ABCA13: variants seen among roughly 807,000 people sequenced by gnomAD.
ABCA13 encodes ATP binding cassette subfamily A member 13.
In ABCA13, 476 loss-of-function variants were observed where a neutral mutation model predicts 478.7. The ratio of observed to expected loss-of-function variants is 0.99; its 90% CI spans 0.92 to 1.07. The LOEUF (loss-of-function observed/expected upper bound fraction) is 1.07, where lower values mean the gene tolerates loss of function less well. Ranked by LOEUF, ABCA13 falls within the 50% of genes least tolerant of loss-of-function variation. The pLI, the probability that ABCA13 is intolerant of heterozygous loss-of-function variation, is 0.00. For synonymous variants in ABCA13, 2,252 were observed against 2,158.9 expected, an observed-to-expected ratio of 1.04 and a Z score of -1.20; for missense variants, 6,060 against 5,910.6, an observed-to-expected ratio of 1.03 and a Z score of -0.83.
In ABCA13 at chr7:48,272,785, T is replaced by C. The variant is rs755570978; in HGVS notation, c.3119T>C (p.Leu1040Ser). The change falls in exon 17 of 62, where the codon TTG becomes TCG. Residue 1040 changes from leucine (L) to serine (S), a missense_variant. This residue lies in a region of ABCA13 where 4,423 missense variants were observed against 4,309.1 expected (regional missense o/e 1.03). Transcript: ENST00000435803. ...CAATTGCTTTCAATTTTTAACTTTT[T>C]GGAGCTTCAGGCCCAATCCTTCATG... ...CQQLLSIFNF[L>S]ELQAQSFMST... 2.5e-6 allele frequency: 4 copies of C among 1,605,268 alleles called. No individual in the cohort carries two copies. The East Asian group carries it at 9.0e-5, about 36-fold the overall frequency.
In ABCA13 at chr7:48,503,976, A is replaced by G. The variant is rs527941316; in HGVS notation, c.13292-2360A>G. Among the ~76,000 whole-genome samples, 10 of 152,334 alleles carry G rather than the reference A, an allele frequency of 6.6e-5. No individual in the cohort carries two copies. In the East Asian group the frequency reaches 1.2e-3, roughly 18 times the overall value. ...TACATATATCAAAACATTACATAGTACACCTTAAATGTTTGCAATTATTAT... is the reference window on the plus strand; with the variant it reads ...TACATATATCAAAACATTACATAGTGCACCTTAAATGTTTGCAATTATTAT... On this transcript the variant is annotated intron_variant, in intron 48 of 61. Coordinates refer to ENST00000435803, the MANE Select transcript of ABCA13 (RefSeq NM_152701.5).
At chr7:48,375,909 A>C (rs1169407597) in intron 34 of ABCA13, among the ~76,000 whole-genome samples, 1 of 152,176 alleles carries the variant, frequency 6.6e-6, no homozygotes, top group Non-Finnish European at 1.5e-5. Context: ...ATTTTATTGA[A>C]CTGTAGCCTG....
intron 33 of ABCA13, among the ~76,000 whole-genome samples, chr7:48,373,351 C>G (rs1049657080): frequency 1.3e-5 from 2 of 152,186 alleles, no homozygotes; most frequent in South Asian, 4.1e-4. Flanking sequence ...TTATTGGGAG[C>G]AAAACACCTT....
chr7:48,195,813 C>T (rs1205630823), intron 2 of ABCA13, among the ~76,000 whole-genome samples: 3 of 152,094 alleles, frequency 2.0e-5, no homozygotes, highest in Admixed American at 6.5e-5. Context: ...TGGAGTCTGC[C>T]TGGGAAGCAC....
At chr7:48,336,762 C>T (rs1806330836) in intron 28 of ABCA13, among the ~76,000 whole-genome samples, 1 of 152,188 alleles carries the variant, frequency 6.6e-6, no homozygotes, top group Admixed American at 6.5e-5. Context: ...CGACCATGGC[C>T]ATATGTATTA....
Position 48,646,526 on chromosome 7 carries a change from T to TTA in ABCA13, c.*1015_*1016insAT, listed in dbSNP as rs1554292441. On this transcript the variant is annotated 3_prime_UTR_variant, in exon 62 of 62. Coordinates refer to ENST00000435803, the MANE Select transcript of ABCA13 (RefSeq NM_152701.5). The stretch of plus-strand genomic sequence containing the variant: ...GTATGTAGTCTTTTTTATTTATTTA[T>TTA]TTTTTTTTTTTGAGGCGGAGTCTCG... 9.2e-6 allele frequency: 1 copy of TTA among 108,482 alleles called. No individual in the cohort carries two copies. Among genetic ancestry groups the TTA allele is most frequent in the Non-Finnish European group, 1.9e-5 (1 of 51,738 alleles). The allele number at this position is 108,482 out of a possible 1,614,324, so 6.7% of individuals were successfully genotyped here.
At chr7:48,302,883 C>T (rs994472026) in intron 23 of ABCA13, among the ~76,000 whole-genome samples, 1 of 152,106 alleles carries the variant, frequency 6.6e-6, no homozygotes, top group Non-Finnish European at 1.5e-5. Flanking sequence ...AATGGTAGTT[C>T]TCTTTCTAGT....
chr7:48,356,644 T>C (rs1209585972), intron 31 of ABCA13, among the ~76,000 whole-genome samples: 4 of 151,914 alleles, frequency 2.6e-5, no homozygotes, highest in Non-Finnish European at 5.9e-5. Flanking sequence ...TTATTTTTCA[T>C]GTAGTATCTA....
At position 48,645,573 on chromosome 7, in the gene ABCA13, G is replaced by A; in HGVS notation, c.*61G>A. 7.3e-7 allele frequency: 1 copy of A among 1,374,836 alleles called. No homozygotes were observed. Among genetic ancestry groups the A allele is most frequent in the South Asian group, 1.3e-5 (1 of 77,436 alleles). 85.2% of individuals were successfully genotyped at this position (1,374,836 alleles called of 1,614,324 possible). A position where few individuals can be genotyped will look rare whatever the true frequency, so the allele number is the denominator to read the frequency against. Reference sequence around the variant, plus strand: ...TCTTCCATTACAATTAACAGTCAAGGATAAAACAAGCACGCGCACAATCAA... The same window carrying A: ...TCTTCCATTACAATTAACAGTCAAGAATAAAACAAGCACGCGCACAATCAA... On this transcript the variant is annotated 3_prime_UTR_variant, in exon 62 of 62. Coordinates refer to ENST00000435803, the MANE Select transcript of ABCA13 (RefSeq NM_152701.5).
rs758526203 is a variant in ABCA13 at position 48,507,930 on chromosome 7, C to T, written c.13405C>T (p.Leu4469=). 3.5e-5 allele frequency: 56 copies of T among 1,613,324 alleles called. No individual in the cohort carries two copies. In the Middle Eastern group the frequency reaches 1.5e-3, roughly 43 times the overall value. ...CTGCATCGTGCTGGGATTCTCCATC[C>T]TGTCTGCATCCATCGGCAGCTCTGT... is the stretch of plus-strand genomic sequence containing the variant. ...ALCIVLGFSI[L]SASIGSSVVR... is the part of the protein sequence containing the mutation. Residue 4469 remains leucine, a synonymous_variant, in exon 50 of 62, where the codon CTG becomes TTG. Transcript: ENST00000435803.
intron 20 of ABCA13, among the ~76,000 whole-genome samples, chr7:48,293,837 G>T (rs1415546714): frequency 1.3e-5 from 2 of 152,064 alleles, no homozygotes; most frequent in African/African-American, 4.8e-5. Context: ...CTTAGAGGTG[G>T]GGGTTAGAGA....
chr7:48,318,798 C>G (rs1270346064), intron 27 of ABCA13, among the ~76,000 whole-genome samples: 3 of 151,862 alleles, frequency 2.0e-5, no homozygotes, highest in African/African-American at 7.3e-5. Flanking sequence ...CATATCACAG[C>G]TCTATTTTAA....
At chr7:48,574,699 C>A (rs935743916) in intron 55 of ABCA13, among the ~76,000 whole-genome samples, 2 of 152,122 alleles carry the variant, frequency 1.3e-5, no homozygotes, top group Non-Finnish European at 2.9e-5. Context: ...AGCTCCTCTG[C>A]CTTTTAGCCA....
At position 48,278,066 on chromosome 7, in the gene ABCA13, A is replaced by T. The variant is rs1584584963; in HGVS notation, c.6900-28A>T. The stretch of plus-strand genomic sequence containing the variant: ...CTGTTAATGTATTAAAAATTAAATT[A>T]AAAGTATATATATATATATATTTAC... On this transcript the variant is annotated intron_variant, in intron 17 of 61. Coordinates refer to ENST00000435803, the MANE Select transcript of ABCA13 (RefSeq NM_152701.5). 1.2e-5 allele frequency: 10 copies of T among 806,378 alleles called. No homozygotes were observed. The East Asian group carries it at 3.9e-4, about 32-fold the overall frequency. 50.0% of individuals were successfully genotyped at this position (806,378 alleles called of 1,614,324 possible).
chr7:48,281,229 C>T (rs111864166), intron 18 of ABCA13, 114 bp from the exon 19 acceptor site: 8,107 of 792,640 alleles, frequency 0.01, 84 homozygotes, highest in Middle Eastern at 0.055. Context: ...TATGATTATG[C>T]AGGGAGGGAG....
intron 55 of ABCA13, among the ~76,000 whole-genome samples, chr7:48,557,382 C>A (rs1170142177): frequency 6.6e-6 from 1 of 152,006 alleles, no homozygotes; most frequent in Non-Finnish European, 1.5e-5. Context: ...TAGGACAGGT[C>A]TGTTATTGAT....
chr7:48,221,781 A>G (rs1787394682), intron 5 of ABCA13, among the ~76,000 whole-genome samples: 2 of 152,220 alleles, frequency 1.3e-5, no homozygotes, highest in South Asian at 2.1e-4. Context: ...GGGTAATATT[A>G]ACCTCTAGTG....
At chr7:48,217,140 G>A (rs1786607151) in intron 3 of ABCA13, among the ~76,000 whole-genome samples, 1 of 152,264 alleles carries the variant, frequency 6.6e-6, no homozygotes, top group South Asian at 2.1e-4. Flanking sequence ...ACCTGCTCTT[G>A]TGTATTTACT....
chr7:48,417,311 T>C (rs1362486275), intron 41 of ABCA13, among the ~76,000 whole-genome samples: 3 of 152,268 alleles, frequency 2.0e-5, no homozygotes, highest in Admixed American at 1.3e-4. Context: ...CTTTTCAACA[T>C]TTCAAAAGAA....
Sources: gnomAD v4.1 joint callset for allele counts (sites outside exome capture counted in the v4.1 genomes callset) on GRCh38, gnomAD v4.1.1 for gene constraint, gnomAD v4.1.1 regional missense constraint, MANE v1.5 for transcripts, NCBI Gene and HGNC (gene_info 2026-07-23, HGNC 2026-07-21) for gene names.